The following SUSD4 variants were observed in gnomAD, a reference collection of about 807,000 sequenced individuals.
The protein encoded by SUSD4 is sushi domain-containing protein 4.
SUSD4 carries 41 observed loss-of-function variants against 50.5 expected under a neutral mutation model. The observed-to-expected ratio is 0.81, with a 90% confidence interval of 0.63 to 1.05. The LOEUF is 1.05. SUSD4 is among the 50% of genes least tolerant of loss of function. SUSD4 has a pLI of 0.00. For synonymous variants in SUSD4, 257 were observed against 257.3 expected (o/e 1.00, Z 0.01); for missense variants, 580 against 634.7 (o/e 0.91, Z 0.93).
At chr1:223,273,805 T>C (rs1370916426) in intron 3 of SUSD4, among the ~76,000 whole-genome samples, 2 of 152,232 alleles carry the variant, frequency 1.3e-5, no homozygotes, top group Non-Finnish European at 2.9e-5. Flanking sequence ...GTGTTGTCCA[T>C]ATAGCCCCAC....
At chr1:223,264,286 G>C (rs949468853) in intron 5 of SUSD4, 6 of 1,019,394 alleles carry the variant, frequency 5.9e-6, no homozygotes, top group Non-Finnish European at 5.9e-6. Context: ...CGAGGGGTAA[G>C]ATTAATGACA....
intron 5 of SUSD4, among the ~76,000 whole-genome samples, chr1:223,255,468 A>G (rs1661619062): frequency 6.6e-6 from 1 of 152,206 alleles, no homozygotes; most frequent in Non-Finnish European, 1.5e-5. Flanking sequence ...TTCATATTTC[A>G]CGCCAGCAAA....
At chr1:223,303,676 G>A (rs1168563722) in intron 2 of SUSD4, among the ~76,000 whole-genome samples, 2 of 152,168 alleles carry the variant, frequency 1.3e-5, no homozygotes, top group Non-Finnish European at 2.9e-5. Flanking sequence ...CCACCTTCTG[G>A]TCCCATGAGC....
intron 2 of SUSD4, among the ~76,000 whole-genome samples, chr1:223,353,178 A>G (rs1023679435): frequency 6.6e-6 from 1 of 152,104 alleles, no homozygotes; most frequent in Admixed American, 6.5e-5. Context: ...AGACTGGCAC[A>G]TCCCATTTTG....
At chr1:223,338,277 G>A (rs909657149) in intron 2 of SUSD4, among the ~76,000 whole-genome samples, 2 of 152,184 alleles carry the variant, frequency 1.3e-5, no homozygotes, top group African/African-American at 2.4e-5. Flanking sequence ...GCCGGGAGCC[G>A]CTGTTCTCAG....
chr1:223,356,404 A>ATTTCTT (rs1283704754), intron 2 of SUSD4, among the ~76,000 whole-genome samples: 3 of 151,340 alleles, frequency 2.0e-5, no homozygotes, highest in Non-Finnish European at 2.9e-5. Context: ...CAAATCTCAG[A>ATTTCTT]TTTCTTTTTC....
chr1:223,289,727 C>A (rs532302883), intron 3 of SUSD4, among the ~76,000 whole-genome samples: 2 of 152,280 alleles, frequency 1.3e-5, no homozygotes, highest in African/African-American at 4.8e-5. Context: ...ATAGGTCAAA[C>A]AAAAACTAAA....
At chr1:223,353,868 T>G (rs578229840) in intron 2 of SUSD4, among the ~76,000 whole-genome samples, 41 of 152,028 alleles carry the variant, frequency 2.7e-4, no homozygotes, top group Non-Finnish European at 5.1e-4. Context: ...CTGACCCTGC[T>G]GTACTCTACT....
intron 2 of SUSD4, among the ~76,000 whole-genome samples, chr1:223,294,285 G>A (rs993195611): frequency 6.6e-6 from 1 of 152,204 alleles, no homozygotes; most frequent in Admixed American, 6.5e-5. Flanking sequence ...TGATGGGGAA[G>A]TCTCAACCCA....
intron 2 of SUSD4, among the ~76,000 whole-genome samples, chr1:223,307,614 G>A (rs868111596): frequency 5.9e-5 from 9 of 152,304 alleles, no homozygotes; most frequent in South Asian, 2.1e-4. Flanking sequence ...ACTTTTGCGG[G>A]GGGATTGGAG....
chr1:223,227,746 AG>A lies in SUSD4; in HGVS notation c.917-9del. 1 of 1,607,154 alleles carries A rather than the reference AG, an allele frequency of 6.2e-7. No homozygotes were observed. Among genetic ancestry groups the A allele is most frequent in the Non-Finnish European group, 8.5e-7 (1 of 1,176,114 alleles). On this transcript the variant is annotated splice_polypyrimidine_tract_variant and intron_variant, in intron 6 of 8. Coordinates refer to ENST00000366878, the MANE Select transcript of SUSD4 (RefSeq NM_017982.4). The surrounding 1 kb of genome is among the most constrained non-coding windows in gnomAD (Gnocchi z 4.5). ...TGCTGGGCCACGTTTGCTCTGCATG[AG>A]GGAGAACAAAGCTGTACGTGAGGCT...
intron 1 of SUSD4, 114 bp downstream of exon 1, chr1:223,363,943 C>CA (rs772073886): frequency 0.035 from 4,734 of 136,098 alleles, 168 homozygotes; most frequent in East Asian, 0.091. Context: ...TCTGCGCTGT[C>CA]AAAAAAAAAA....
chr1:223,331,725 G>A (rs568885703), intron 2 of SUSD4, among the ~76,000 whole-genome samples: 5 of 152,132 alleles, frequency 3.3e-5, no homozygotes, highest in South Asian at 4.2e-4. Flanking sequence ...TCCTAATCAG[G>A]AGAGACCGAC....
chr1:223,249,623 T>C (rs1400971710), intron 5 of SUSD4, among the ~76,000 whole-genome samples: 1 of 152,214 alleles, frequency 6.6e-6, no homozygotes, highest in Non-Finnish European at 1.5e-5. Flanking sequence ...TGTATGTGTG[T>C]ATGCACTTAT....
At chr1:223,265,947 C>A (rs1351719343) in intron 4 of SUSD4, among the ~76,000 whole-genome samples, 1 of 152,246 alleles carries the variant, frequency 6.6e-6, no homozygotes, top group Admixed American at 6.5e-5. Flanking sequence ...GATGACTGAA[C>A]CCTTCTCCTA....
chr1:223,290,000 A>G (rs1257719373), intron 3 of SUSD4, among the ~76,000 whole-genome samples: 4 of 152,254 alleles, frequency 2.6e-5, no homozygotes, highest in African/African-American at 9.6e-5. Flanking sequence ...TCAGGAAACA[A>G]TAAGACTCAT....
At chr1:223,327,200 G>A (rs979515972) in intron 2 of SUSD4, among the ~76,000 whole-genome samples, 3 of 152,162 alleles carry the variant, frequency 2.0e-5, no homozygotes, top group African/African-American at 4.8e-5. Flanking sequence ...TGGAGCTGGA[G>A]GCCATTATTC....
chr1:223,321,011 A>G (rs781234885), intron 2 of SUSD4, among the ~76,000 whole-genome samples: 5 of 152,086 alleles, frequency 3.3e-5, no homozygotes, highest in African/African-American at 4.8e-5. Flanking sequence ...GATCTTCCGA[A>G]TTTCAATCCT....
upstream of SUSD4, among the ~76,000 whole-genome samples, chr1:223,364,717 C>T (rs1403423333): frequency 6.6e-6 from 1 of 151,624 alleles, no homozygotes; most frequent in East Asian, 2.0e-4. The surrounding 1 kb of genome is among the most constrained non-coding windows in gnomAD (Gnocchi z 4.5). Flanking sequence ...ACTACCGCCG[C>T]GGCGGTGGCT....
Sources: gnomAD v4.1 joint callset for allele counts (sites outside exome capture counted in the v4.1 genomes callset) on GRCh38, gnomAD v4.1.1 for gene constraint, Gnocchi (gnomAD v3.1) non-coding constraint, MANE v1.5 for transcripts, NCBI Gene and HGNC (gene_info 2026-07-23, HGNC 2026-07-21) for gene names.